Variants in POM121C observed in about 807,000 individuals in gnomAD.
POM121C encodes the protein nuclear envelope pore membrane protein POM 121C.
In POM121C, 20 loss-of-function variants were observed where a neutral mutation model predicts 66.4. That is an observed-to-expected ratio of 0.30 (90% CI 0.21 to 0.44). The LOEUF is 0.44. Among genes scored for constraint, POM121C ranks in the 20% least tolerant of loss-of-function variants. POM121C has a pLI of 1.00. For missense variants in POM121C, 580 were observed against 1,225.7 expected, an observed-to-expected ratio of 0.47 and a Z score of 7.87; for synonymous variants, 286 against 528.0, an observed-to-expected ratio of 0.54 and a Z score of 6.28.
chr7:75,442,798 C>T (rs1248375706), intron 3 of POM121C: 85 of 1,256,222 alleles, frequency 6.8e-5, no homozygotes, highest in Non-Finnish European at 8.4e-5. Context: ...GCGCCCGCCA[C>T]GTCATGCGCG....
chr7:75,481,030 A>AAAAAAT (rs1363095854), intron 1 of POM121C, among the ~76,000 whole-genome samples: 2 of 137,026 alleles, frequency 1.5e-5, no homozygotes, highest in East Asian at 2.0e-4. Context: ...TAGTTCAAAA[A>AAAAAAT]ATATATATAT....
chr7:75,442,621 C>A (rs782501987), intron 3 of POM121C: 5 of 1,491,442 alleles, frequency 3.4e-6, no homozygotes, highest in South Asian at 1.3e-5. Context: ...GAAGCGCCGC[C>A]CCGGCCGGCC....
At chr7:75,441,762 C>A (rs1790658112) in intron 3 of POM121C, 115 bp from the exon 4 acceptor site, 2 of 1,030,656 alleles carry the variant, frequency 1.9e-6, no homozygotes, top group Non-Finnish European at 2.8e-6. Context: ...TCTCTTTCTA[C>A]GCAACACAGA....
intron 3 of POM121C, among the ~76,000 whole-genome samples, chr7:75,462,249 C>T (rs1161113285): frequency 6.6e-6 from 1 of 151,938 alleles, no homozygotes; most frequent in Non-Finnish European, 1.5e-5. Flanking sequence ...TTCCCCTGCA[C>T]TCTCCCCTCT....
intron 1 of POM121C, 26 bp downstream of exon 1, chr7:75,485,838 T>C: frequency 4.0e-6 from 2 of 502,422 alleles, no homozygotes; most frequent in Middle Eastern, 4.9e-4. Context: ...CCCTTCTCGC[T>C]CCGGGCCCAA....
intron 1 of POM121C, among the ~76,000 whole-genome samples, chr7:75,483,129 A>G (rs1264718173): frequency 3.3e-5 from 5 of 152,110 alleles, no homozygotes; most frequent in African/African-American, 7.2e-5. Flanking sequence ...TTGGATCACG[A>G]TATTTCCGTC....
At chr7:75,484,480 A>C (rs587669447) in intron 1 of POM121C, among the ~76,000 whole-genome samples, 1 of 152,164 alleles carries the variant, frequency 6.6e-6, no homozygotes, top group East Asian at 1.9e-4. Flanking sequence ...CTGGGCCAAC[A>C]TGGCAAAACC....
intron 3 of POM121C, among the ~76,000 whole-genome samples, chr7:75,457,644 C>T (rs1323165421): frequency 4.0e-5 from 6 of 150,176 alleles, no homozygotes; most frequent in Non-Finnish European, 8.9e-5. Context: ...TGTGGAAGGG[C>T]CCTGCTGACC....
chr7:75,482,378 C>T (rs1554480265), intron 1 of POM121C, among the ~76,000 whole-genome samples: 1 of 152,108 alleles, frequency 6.6e-6, no homozygotes, highest in Non-Finnish European at 1.5e-5. Context: ...GAGTTTGAGA[C>T]CAGCCTGAGC....
chr7:75,465,956 T>TAA (rs1791630146), intron 3 of POM121C, among the ~76,000 whole-genome samples: 1 of 23,076 alleles, frequency 4.3e-5, no homozygotes, highest in Non-Finnish European at 9.5e-5. Flanking sequence ...TTAAAAAAAA[T>TAA]AAAACATATA....
At chr7:75,455,219 C>T (rs1458071399) in intron 3 of POM121C, among the ~76,000 whole-genome samples, 13 of 152,222 alleles carry the variant, frequency 8.5e-5, no homozygotes, top group Non-Finnish European at 1.8e-4. Flanking sequence ...CTGAATTACC[C>T]GCCGTGCTGG....
intron 3 of POM121C, among the ~76,000 whole-genome samples, chr7:75,463,449 C>CTTT (rs1191010098): frequency 9.1e-5 from 11 of 120,768 alleles, no homozygotes; most frequent in Non-Finnish European, 1.3e-4. Context: ...CTGGGTTTTT[C>CTTT]TTTTTTTTTT....
intron 7 of POM121C, among the ~76,000 whole-genome samples, chr7:75,427,890 T>A (rs1790018248): frequency 6.6e-6 from 1 of 152,036 alleles, no homozygotes; most frequent in Admixed American, 6.6e-5. Flanking sequence ...GAGGCCATCA[T>A]CAGGAAGCCG....
chr7:75,425,392 C>T (rs1464074198), intron 9 of POM121C, 197 bp from the exon 10 acceptor site: 8 of 828,384 alleles, frequency 9.7e-6, no homozygotes, highest in Admixed American at 5.9e-5. Flanking sequence ...GCAGTAATTA[C>T]TGGGATCACC....
chr7:75,439,110 A>G (rs1790528681), intron 6 of POM121C, 34 bp downstream of exon 6: 1 of 1,611,396 alleles, frequency 6.2e-7, no homozygotes, highest in African/African-American at 1.3e-5. Flanking sequence ...TTTTCCAAAC[A>G]GTTGGTATTT....
rs1789482452 is a variant in POM121C at position 75,416,824 on chromosome 7, C to T, written c.*1972G>A. 4 of 1,463,426 alleles carry T rather than the reference C, an allele frequency of 2.7e-6. No individual in the cohort carries two copies. Among genetic ancestry groups the T allele is most frequent in the East Asian group, 4.9e-5 (2 of 41,014 alleles). 90.7% of individuals were successfully genotyped at this position (1,463,426 alleles called of 1,614,324 possible). A position where few individuals can be genotyped will look rare whatever the true frequency, so the allele number is the denominator to read the frequency against. On this transcript the variant is annotated 3_prime_UTR_variant, in exon 15 of 15. Transcript: ENST00000615331. ...AGTTTTTTATTCTTAATGTCACAAG[C>T]AGGAGAAAAATCTCACATTCATACT...
At chr7:75,467,343 A>C (rs186478344) in intron 3 of POM121C, among the ~76,000 whole-genome samples, 21 of 152,030 alleles carry the variant, frequency 1.4e-4, no homozygotes, top group African/African-American at 5.1e-4. Flanking sequence ...CATCCTGGCT[A>C]ACACAGTGAA....
intron 7 of POM121C, among the ~76,000 whole-genome samples, chr7:75,436,111 G>A (rs1554473003): frequency 6.6e-6 from 1 of 151,500 alleles, no homozygotes; most frequent in Non-Finnish European, 1.5e-5. Flanking sequence ...AACATTTTTG[G>A]TGTAATACAT....
chr7:75,453,506 T>C (rs2599316), intron 3 of POM121C, among the ~76,000 whole-genome samples: 10 of 148,158 alleles, frequency 6.7e-5, no homozygotes, highest in East Asian at 6.0e-4. Context: ...CGCTTGAACC[T>C]GGGAGGCAGA....
Sources: gnomAD v4.1 joint callset for allele counts (sites outside exome capture counted in the v4.1 genomes callset) on GRCh38, gnomAD v4.1.1 for gene constraint, MANE v1.5 for transcripts, NCBI Gene and HGNC (gene_info 2026-07-23, HGNC 2026-07-21) for gene names.